Variants in FRMD4A observed in about 807,000 individuals in gnomAD.
FRMD4A encodes FERM domain containing 4A, also known as FERM domain-containing protein 4A.
FRMD4A carries 29 observed loss-of-function variants against 129.1 expected under a neutral mutation model. The ratio of observed to expected loss-of-function variants is 0.22; its 90% CI spans 0.17 to 0.31. The LOEUF is 0.31. FRMD4A is among the 10% of genes least tolerant of loss of function. The probability of loss-of-function intolerance (pLI) is 1.00; values close to 1 mark genes in which losing one functional copy is unlikely to be tolerated. For synonymous variants in FRMD4A, 634 were observed against 571.6 expected, an observed-to-expected ratio of 1.11 and a Z score of -1.56; for missense variants, 1,272 against 1,375.8, an observed-to-expected ratio of 0.92 and a Z score of 1.19.
At chr10:13,776,621 T>C (rs976816940) in intron 6 of FRMD4A, among the ~76,000 whole-genome samples, 1 of 152,204 alleles carries the variant, frequency 6.6e-6, no homozygotes, top group Admixed American at 6.5e-5. Flanking sequence ...TCTATTACTT[T>C]GATAGAAACA....
At chr10:13,999,516 TAG>T (rs1181347610) in intron 2 of FRMD4A, among the ~76,000 whole-genome samples, 57 of 152,336 alleles carry the variant, frequency 3.7e-4, no homozygotes, top group African/African-American at 1.3e-3. Context: ...AATGTTCCAA[TAG>T]AGTGATTGGA....
chr10:14,002,395 C>T (rs772323691), intron 2 of FRMD4A, among the ~76,000 whole-genome samples: 38 of 152,172 alleles, frequency 2.5e-4, no homozygotes, highest in Admixed American at 1.3e-3. Flanking sequence ...TCGCTTTCTC[C>T]GCTTGTACTG....
chr10:14,011,724 G>C (rs1000359852), intron 2 of FRMD4A, among the ~76,000 whole-genome samples: 1 of 152,162 alleles, frequency 6.6e-6, no homozygotes, highest in Non-Finnish European at 1.5e-5. Flanking sequence ...AACAGCAAGA[G>C]AAGGCGGGAC....
At chr10:14,127,931 T>C (rs1422269343) in intron 2 of FRMD4A, among the ~76,000 whole-genome samples, 1 of 6,874 alleles carries the variant, frequency 1.5e-4, no homozygotes, top group Non-Finnish European at 2.6e-4. Flanking sequence ...TCTTTCTTTC[T>C]TTCTTTCTTT....
At chr10:14,231,004 T>C (rs1022732396) in intron 2 of FRMD4A, among the ~76,000 whole-genome samples, 1 of 152,248 alleles carries the variant, frequency 6.6e-6, no homozygotes, top group Non-Finnish European at 1.5e-5. Context: ...ATGGTGTATA[T>C]GTACCATGTT....
rs189305821 is a variant in FRMD4A, at chr10:13,662,950, G to A, written c.1660+503C>T. Among the ~76,000 whole-genome samples the A allele has an allele frequency of 2.3e-3, 352 of 152,196 alleles. 1 individual carries two copies. The highest frequency in any genetic ancestry group is 8.0e-3 in the African/African-American group (331 of 41,498). On this transcript the variant is annotated intron_variant, in intron 19 of 24. Coordinates refer to ENST00000357447, the MANE Select transcript of FRMD4A (RefSeq NM_018027.5). Reference sequence around the variant, plus strand: ...GGGCCAGGTATGGTGGCTCCTGCCTGTAATCCTCCCAGCACTTTGGGAGGC... The same window carrying A: ...GGGCCAGGTATGGTGGCTCCTGCCTATAATCCTCCCAGCACTTTGGGAGGC...
At chr10:13,666,707 C>A (rs2083067218) in intron 17 of FRMD4A, among the ~76,000 whole-genome samples, 1 of 151,992 alleles carries the variant, frequency 6.6e-6, no homozygotes, top group South Asian at 2.1e-4. Context: ...TAGGATGCAG[C>A]AGGATTTTTA....
chr10:14,220,791 TG>T, intron 2 of FRMD4A, among the ~76,000 whole-genome samples: 1 of 48,066 alleles, frequency 2.1e-5, no homozygotes, highest in Non-Finnish European at 6.6e-5. Context: ...TGCGTGTGTG[TG>T]TGTGTGTGTG....
chr10:14,136,038 G>A (rs946790909), intron 2 of FRMD4A, among the ~76,000 whole-genome samples: 1 of 152,172 alleles, frequency 6.6e-6, no homozygotes, highest in Non-Finnish European at 1.5e-5. Flanking sequence ...TGTCTAGCCA[G>A]GCCGTTTAAG....
At position 14,113,277 on chromosome 10, in the gene FRMD4A, C is replaced by G. The variant is rs1838020524; in HGVS notation, c.45+216781G>C. Among the ~76,000 whole-genome samples the G allele has an allele frequency of 2.0e-5, 3 of 152,192 alleles. No homozygotes were observed. The South Asian group carries it at 6.2e-4, about 32-fold the overall frequency. ...TCTTCTGCCTCTGCCATTTCTGAGA[C>G]AGCAAAACCAACCTCTCCTCTTCCT... is the stretch of plus-strand genomic sequence containing the variant. On this transcript the variant is annotated intron_variant, in intron 2 of 24. Transcript: ENST00000357447.
At chr10:14,230,947 C>T (rs1039214348) in intron 2 of FRMD4A, among the ~76,000 whole-genome samples, 1 of 152,174 alleles carries the variant, frequency 6.6e-6, no homozygotes, top group African/African-American at 2.4e-5. Context: ...ATCCATGTTG[C>T]TGCAAAGAAC....
At chr10:14,216,648 G>T (rs568532891) in intron 2 of FRMD4A, among the ~76,000 whole-genome samples, 3 of 152,058 alleles carry the variant, frequency 2.0e-5, no homozygotes, top group Admixed American at 2.0e-4. Flanking sequence ...GCAGCCACCC[G>T]TTCGCCAGCA....
At chr10:14,055,998 G>A (rs756916406) in intron 2 of FRMD4A, among the ~76,000 whole-genome samples, 1 of 152,016 alleles carries the variant, frequency 6.6e-6, no homozygotes, top group African/African-American at 2.4e-5. Flanking sequence ...GCAGTGGCGC[G>A]ATCTCGGCTC....
At chr10:14,258,542 G>A (rs1248468349) in intron 2 of FRMD4A, among the ~76,000 whole-genome samples, 1 of 152,184 alleles carries the variant, frequency 6.6e-6, no homozygotes, top group South Asian at 2.1e-4. Context: ...TGAACAAACT[G>A]ATCATACCTA....
intron 2 of FRMD4A, among the ~76,000 whole-genome samples, chr10:14,164,507 G>A (rs1841071560): frequency 6.6e-6 from 1 of 152,326 alleles, no homozygotes; most frequent in South Asian, 2.1e-4. Flanking sequence ...GAACTTGTGG[G>A]TTAAACACTA....
At chr10:13,962,350 G>A (rs2095451375) in intron 2 of FRMD4A, among the ~76,000 whole-genome samples, 1 of 152,040 alleles carries the variant, frequency 6.6e-6, no homozygotes, top group Admixed American at 6.6e-5. Flanking sequence ...GGGGTATTGA[G>A]AATCAAAAAT....
At chr10:13,869,495 G>T (rs189559045) in intron 2 of FRMD4A, among the ~76,000 whole-genome samples, 1 of 152,228 alleles carries the variant, frequency 6.6e-6, no homozygotes, top group Non-Finnish European at 1.5e-5. Context: ...CCCTCCTCAC[G>T]CCTGGCAGCC....
chr10:14,105,001 T>C (rs1837512370), intron 2 of FRMD4A, among the ~76,000 whole-genome samples: 1 of 152,228 alleles, frequency 6.6e-6, no homozygotes, highest in Non-Finnish European at 1.5e-5. Context: ...GCAGGACTTC[T>C]GGTCACGGGG....
Position 13,860,930 on chromosome 10 carries a change from C to T in FRMD4A, c.46-2018G>A, listed in dbSNP as rs145273225. On this transcript the variant is annotated intron_variant, in intron 2 of 24. Transcript: ENST00000357447. The stretch of plus-strand genomic sequence containing the variant: ...AGTAGCTGGGACTACAGAGCAGTCT[C>T]GTTTCTCTCATGCGCCACGGGACGT... Among the ~76,000 whole-genome samples, 263 of 152,294 alleles carry T rather than the reference C, an allele frequency of 1.7e-3. 2 individuals are homozygous for T. The highest frequency in any genetic ancestry group is 2.1e-3 in the East Asian group (11 of 5,182).
Sources: allele counts gnomAD v4.1 joint callset (sites outside exome capture counted in the v4.1 genomes callset), GRCh38; gene constraint gnomAD v4.1.1; transcripts MANE v1.5; gene names NCBI Gene and HGNC (gene_info 2026-07-23, HGNC 2026-07-21).